CCPG1: variants seen among roughly 807,000 people sequenced by gnomAD.
The protein encoded by CCPG1 is cell cycle progression 1.
In CCPG1, 46 loss-of-function variants were observed where a neutral mutation model predicts 81.3. That is an observed-to-expected ratio of 0.57 (90% CI 0.45 to 0.72). CCPG1 has a LOEUF of 0.72. Among genes scored for constraint, CCPG1 ranks in the 30% least tolerant of loss-of-function variants. The probability of loss-of-function intolerance (pLI) is 0.00; values close to 1 mark genes in which losing one functional copy is unlikely to be tolerated. For synonymous variants in CCPG1, 330 were observed against 305.2 expected (o/e 1.08, Z -0.85); for missense variants, 902 against 937.6 (o/e 0.96, Z 0.50).
chr15:55,375,143 GA>G (rs2056537178), intron 5 of CCPG1, among the ~76,000 whole-genome samples: 1 of 152,158 alleles, frequency 6.6e-6, no homozygotes, highest in African/African-American at 2.4e-5. Context: ...TCAGAATTCA[GA>G]AAGAAGATAA....
chr15:55,390,493 T>C (rs1478622886), intron 1 of CCPG1, among the ~76,000 whole-genome samples: 1 of 152,240 alleles, frequency 6.6e-6, no homozygotes, highest in Non-Finnish European at 1.5e-5. Context: ...TTATTGGACA[T>C]ATACTGTGAA....
chr15:55,378,000 G>A (rs1424794627), intron 4 of CCPG1, among the ~76,000 whole-genome samples: 2 of 152,134 alleles, frequency 1.3e-5, no homozygotes, highest in African/African-American at 4.8e-5. Context: ...GTCTCAGGTT[G>A]TTACCAAATT....
chr15:55,359,781 CAT>C lies in CCPG1; in HGVS notation c.1990_1991del (p.Met664ValfsTer14). The C allele has an allele frequency of 6.2e-7, 1 of 1,613,308 alleles. No homozygotes were observed. The highest frequency in any genetic ancestry group is 1.1e-5 in the South Asian group (1 of 91,054). On this transcript the variant is annotated frameshift_variant, in exon 8 of 9. Coordinates refer to ENST00000442196, the MANE Select transcript of CCPG1 (RefSeq NM_001204450.2). LOFTEE classifies it high-confidence loss of function. ...DEFRQIIQRY[M>X]LKELDTFCHW... ...GACAAAAAGTATCCAGTTCTTTTAA[CAT>C]GTACCTTTGAATTATCTGTCTAAAT...
chr15:55,371,160 G>A (rs2056442225), intron 6 of CCPG1, among the ~76,000 whole-genome samples: 1 of 152,114 alleles, frequency 6.6e-6, no homozygotes. Context: ...AAATGAAAAA[G>A]TAAAGTAACA....
chr15:55,389,596 C>G (rs919730222), intron 1 of CCPG1, among the ~76,000 whole-genome samples, 163 bp from the exon 2 acceptor site: 1 of 152,102 alleles, frequency 6.6e-6, no homozygotes, highest in Non-Finnish European at 1.5e-5. Context: ...GGACTGCATA[C>G]CTGTATGAAC....
At chr15:55,383,746 C>CATGA (rs1397391328) in intron 3 of CCPG1, among the ~76,000 whole-genome samples, 8 of 152,184 alleles carry the variant, frequency 5.3e-5, no homozygotes, top group Non-Finnish European at 7.3e-5. Flanking sequence ...CAGCTAGCTT[C>CATGA]CGCCTTTCTT....
intron 1 of CCPG1, among the ~76,000 whole-genome samples, chr15:55,395,639 C>G (rs1308836100): frequency 6.6e-6 from 1 of 152,146 alleles, no homozygotes; most frequent in South Asian, 2.1e-4. Flanking sequence ...TCTCAGCTAA[C>G]GGTTCATTTC....
chr15:55,365,066 C>G (rs2056294232), intron 7 of CCPG1, 122 bp downstream of exon 7: 5 of 625,872 alleles, frequency 8.0e-6, no homozygotes, highest in African/African-American at 7.6e-5. Context: ...TACCCGTACT[C>G]AATTCAACAA....
intron 2 of CCPG1, among the ~76,000 whole-genome samples, chr15:55,387,647 C>T (rs1392425179): frequency 6.6e-6 from 1 of 151,626 alleles, no homozygotes; most frequent in Non-Finnish European, 1.5e-5. Context: ...CAGGTTCAAG[C>T]GATTGTCCTG....
intron 1 of CCPG1, among the ~76,000 whole-genome samples, chr15:55,391,000 T>C (rs1426063701): frequency 2.0e-5 from 3 of 152,212 alleles, no homozygotes; most frequent in Non-Finnish European, 4.4e-5. Flanking sequence ...GTAAAATAAA[T>C]TTTTTCTGTC....
chr15:55,378,839 C>T (rs1021284552), intron 3 of CCPG1, among the ~76,000 whole-genome samples: 2 of 152,086 alleles, frequency 1.3e-5, no homozygotes, highest in Non-Finnish European at 2.9e-5. Context: ...TCAAGCGATC[C>T]GCCCACCTTG....
At chr15:55,387,617 T>C (rs917622740) in intron 2 of CCPG1, among the ~76,000 whole-genome samples, 4 of 151,776 alleles carry the variant, frequency 2.6e-5, no homozygotes, top group African/African-American at 9.7e-5. Context: ...CGAACTCTGC[T>C]CACCGCAACC....
At chr15:55,402,203 A>G (rs2057141358) in intron 1 of CCPG1, among the ~76,000 whole-genome samples, 1 of 152,152 alleles carries the variant, frequency 6.6e-6, no homozygotes, top group Non-Finnish European at 1.5e-5. Flanking sequence ...AATAGCTCCA[A>G]TTTTATTTGT....
At chr15:55,383,747 C>T (rs58447274) in intron 3 of CCPG1, among the ~76,000 whole-genome samples, 2 of 152,202 alleles carry the variant, frequency 1.3e-5, no homozygotes, top group East Asian at 1.9e-4. Flanking sequence ...AGCTAGCTTC[C>T]GCCTTTCTTT....
intron 8 of CCPG1, chr15:55,358,533 C>G (rs936704408): frequency 1.0e-6 from 1 of 985,286 alleles, no homozygotes; most frequent in African/African-American, 1.7e-5. Context: ...ATCTTCACAT[C>G]TCCAAATGAC....
At chr15:55,358,248 A>T in intron 8 of CCPG1, 1 of 414,342 alleles carries the variant, frequency 2.4e-6, no homozygotes, top group African/African-American at 2.2e-5. Context: ...TATGTGTGAG[A>T]TTGTAAAGAA....
chr15:55,394,521 A>C (rs1228714137), intron 1 of CCPG1, among the ~76,000 whole-genome samples: 3 of 151,702 alleles, frequency 2.0e-5, no homozygotes, highest in African/African-American at 7.3e-5. Flanking sequence ...AACAGATTAC[A>C]AAAAAAAGTA....
intron 6 of CCPG1, among the ~76,000 whole-genome samples, chr15:55,368,527 A>G (rs2056379024): frequency 6.6e-6 from 1 of 152,216 alleles, no homozygotes; most frequent in African/African-American, 2.4e-5. Flanking sequence ...TAGTCTATCA[A>G]TACTTAAAGC....
intron 3 of CCPG1, among the ~76,000 whole-genome samples, chr15:55,380,260 T>C (rs1200331801): frequency 2.0e-5 from 3 of 150,308 alleles, no homozygotes; most frequent in South Asian, 2.1e-4. Flanking sequence ...TATTTTTTTT[T>C]CCCTATCATG....
Sources: gnomAD v4.1 joint callset for allele counts (sites outside exome capture counted in the v4.1 genomes callset) on GRCh38, gnomAD v4.1.1 for gene constraint, MANE v1.5 for transcripts, NCBI Gene and HGNC (gene_info 2026-07-23, HGNC 2026-07-21) for gene names.